FARS2: variants seen among roughly 807,000 people sequenced by gnomAD.
FARS2 encodes the protein phenylalanine--tRNA ligase, mitochondrial.
FARS2 carries 40 observed loss-of-function variants against 46.4 expected under a neutral mutation model. The observed-to-expected ratio is 0.86, with a 90% CI of 0.67 to 1.12. The LOEUF (loss-of-function observed/expected upper bound fraction) is 1.12. FARS2 is among the 50% of genes most tolerant of loss of function. FARS2 has a pLI of 0.00. For missense variants in FARS2, 513 were observed against 567.9 expected, an observed-to-expected ratio of 0.90 and a Z score of 0.98; for synonymous variants, 234 against 214.9, an observed-to-expected ratio of 1.09 and a Z score of -0.78.
intron 4 of FARS2, among the ~76,000 whole-genome samples, chr6:5,485,063 A>G (rs900234047): frequency 1.3e-5 from 2 of 152,150 alleles, no homozygotes; most frequent in Non-Finnish European, 2.9e-5. Context: ...GAGAAAGCCC[A>G]TGGCCTTAGC....
intron 6 of FARS2, among the ~76,000 whole-genome samples, chr6:5,717,940 A>AGAGAGAGAGAGAGAGAGT: frequency 6.7e-6 from 1 of 149,990 alleles, no homozygotes. Context: ...ATATATACAG[A>AGAGAGAGAGAGAGAGAGT]GTCTCACTCT....
At chr6:5,607,285 A>ATGTGTGCGTG (rs1229800858) in intron 5 of FARS2, among the ~76,000 whole-genome samples, 4 of 74,986 alleles carry the variant, frequency 5.3e-5, no homozygotes, top group African/African-American at 1.5e-4. Flanking sequence ...AATAATATGT[A>ATGTGTGCGTG]TGTGTGTGTG....
At chr6:5,549,487 C>G (rs1771246394) in intron 5 of FARS2, among the ~76,000 whole-genome samples, 1 of 152,202 alleles carries the variant, frequency 6.6e-6, no homozygotes, top group African/African-American at 2.4e-5. Flanking sequence ...AGGCCATCCT[C>G]AGTCCTTGGA....
chr6:5,594,669 T>C (rs1774099800), intron 5 of FARS2, among the ~76,000 whole-genome samples: 1 of 151,930 alleles, frequency 6.6e-6, no homozygotes, highest in Non-Finnish European at 1.5e-5. Flanking sequence ...AAAACCTCAG[T>C]GGAGGGTCCT....
rs114331480 is a variant in FARS2 at position 5,304,566 on chromosome 6, G to A, written c.-22+42906G>A. Among the ~76,000 whole-genome samples, 988 of 152,276 alleles carry A rather than the reference G, an allele frequency of 6.5e-3. 9 individuals carry two copies. Among genetic ancestry groups the A allele is most frequent in the Non-Finnish European group, 8.7e-3 (592 of 68,024 alleles). ...GGCAATTCACAATGCCACCACAAAGGCATTCGTTTCCCAGATGGCCAACTT... is the reference window on the plus strand; with the variant it reads ...GGCAATTCACAATGCCACCACAAAGACATTCGTTTCCCAGATGGCCAACTT... On this transcript the variant is annotated intron_variant, in intron 1 of 6. Transcript: ENST00000274680.
At chr6:5,265,596 G>A (rs1012111501) in intron 1 of FARS2, among the ~76,000 whole-genome samples, 12 of 152,202 alleles carry the variant, frequency 7.9e-5, no homozygotes, top group Non-Finnish European at 1.6e-4. Context: ...GTGCATTCAA[G>A]AGATAGCTGG....
intron 4 of FARS2, among the ~76,000 whole-genome samples, chr6:5,437,925 A>G (rs951496354): frequency 1.3e-5 from 2 of 151,934 alleles, no homozygotes; most frequent in African/African-American, 4.8e-5. Context: ...TTTCCTTAGC[A>G]TTTTTTATAG....
At chr6:5,714,320 G>A (rs1759361831) in intron 6 of FARS2, among the ~76,000 whole-genome samples, 1 of 152,166 alleles carries the variant, frequency 6.6e-6, no homozygotes, top group African/African-American at 2.4e-5. Flanking sequence ...CTGCCTCCAG[G>A]TTGAGCCAGT....
chr6:5,603,759 A>C (rs567582826), intron 5 of FARS2, among the ~76,000 whole-genome samples: 5 of 152,262 alleles, frequency 3.3e-5, no homozygotes, highest in African/African-American at 1.2e-4. Context: ...TTTCATTTTA[A>C]ATGTATTACC....
intron 4 of FARS2, among the ~76,000 whole-genome samples, chr6:5,472,911 C>A (rs1452332320): frequency 1.3e-5 from 2 of 152,088 alleles, no homozygotes; most frequent in Admixed American, 6.5e-5. Flanking sequence ...AGAGAGCACA[C>A]ATTCAGTATA....
At chr6:5,555,922 T>C (rs1937435465) in intron 5 of FARS2, among the ~76,000 whole-genome samples, 1 of 152,138 alleles carries the variant, frequency 6.6e-6, no homozygotes, top group African/African-American at 2.4e-5. Flanking sequence ...CAAGTTTGTA[T>C]TGGAATAATT....
At chr6:5,521,449 T>C (rs1425031938) in intron 4 of FARS2, among the ~76,000 whole-genome samples, 1 of 152,132 alleles carries the variant, frequency 6.6e-6, no homozygotes, top group East Asian at 1.9e-4. Context: ...AGGGGCTCTT[T>C]ATTTCCTGTT....
chr6:5,438,909 T>A (rs1432540025), intron 4 of FARS2, among the ~76,000 whole-genome samples: 1 of 152,194 alleles, frequency 6.6e-6, no homozygotes, highest in East Asian at 1.9e-4. Flanking sequence ...CGTCCTGTGA[T>A]TGACTTTTGT....
chr6:5,724,024 G>A (rs1219761799), intron 6 of FARS2, among the ~76,000 whole-genome samples: 1 of 152,304 alleles, frequency 6.6e-6, no homozygotes, highest in Admixed American at 6.5e-5. Context: ...TGGGCTCGGC[G>A]GGAAAGGAAG....
chr6:5,732,971 C>A (rs1444296677), intron 6 of FARS2, among the ~76,000 whole-genome samples: 1 of 152,190 alleles, frequency 6.6e-6, no homozygotes, highest in Non-Finnish European at 1.5e-5. Flanking sequence ...CCCCAAGCCC[C>A]CGGCTAGGTG....
chr6:5,422,360 T>TTC (rs149247829), intron 3 of FARS2, among the ~76,000 whole-genome samples: 11,576 of 151,194 alleles, frequency 0.077, 511 homozygotes, highest in East Asian at 0.12. Context: ...GCCTGTTTGG[T>TTC]TCTCTCTCTC....
chr6:5,704,521 T>G (rs1327750106), intron 6 of FARS2, among the ~76,000 whole-genome samples: 1 of 152,142 alleles, frequency 6.6e-6, no homozygotes, highest in African/African-American at 2.4e-5. Flanking sequence ...AGTAAAAGAG[T>G]ATAATTCTCT....
rs753113504 is a variant in FARS2 at position 5,318,387 on chromosome 6, C to CAAAAA, written c.-21-50147_-21-50143dup. ...AAAAAGCAAACAAGCAAAAAAAAAC[C>CAAAAA]AAAAAAAAAAAAAAAAAAAACCCTA... On this transcript the variant is annotated intron_variant, in intron 1 of 6. Transcript: ENST00000274680. 1.4e-3 allele frequency among the ~76,000 whole-genome samples: 110 copies of CAAAAA among 77,156 alleles called. 2 individuals are homozygous for CAAAAA. Among genetic ancestry groups the CAAAAA allele is most frequent in the African/African-American group, 4.5e-3 (96 of 21,124 alleles). The allele number at this position is 77,156 out of a possible 152,430, so 50.6% of individuals were successfully genotyped here.
intron 6 of FARS2, among the ~76,000 whole-genome samples, chr6:5,656,934 C>T (rs1265135784): frequency 6.6e-6 from 1 of 152,010 alleles, no homozygotes; most frequent in African/African-American, 2.4e-5. Context: ...CTAACCATAC[C>T]GTATATGTCT....
Sources: allele counts gnomAD v4.1 joint callset (sites outside exome capture counted in the v4.1 genomes callset), GRCh38; gene constraint gnomAD v4.1.1; transcripts MANE v1.5; gene names NCBI Gene and HGNC (gene_info 2026-07-23, HGNC 2026-07-21).